The following NREP variants were observed in gnomAD, a reference collection of about 807,000 sequenced individuals.
NREP encodes the protein neuronal regeneration-related protein.
Under a neutral mutation model 8.6 loss-of-function variants are expected in NREP, and 5 were observed. That is an observed-to-expected ratio of 0.58 (90% confidence interval 0.30 to 1.22). The LOEUF is 1.22. Ranked by LOEUF, NREP falls within the 50% of genes most tolerant of loss-of-function variation. The pLI, the probability that NREP is intolerant of heterozygous loss-of-function variation, is 0.07. For missense variants in NREP, 86 were observed against 82.5 expected (o/e 1.04, Z -0.17); for synonymous variants, 27 against 28.0 (o/e 0.96, Z 0.11).
At chr5:111,900,621 T>C (rs190193340) in intron 2 of NREP, among the ~76,000 whole-genome samples, 1 of 152,176 alleles carries the variant, frequency 6.6e-6, no homozygotes, top group East Asian at 1.9e-4. Context: ...CACCAGGGAC[T>C]ATCATGAACA....
chr5:111,952,989 G>C (rs1240751949), intron 2 of NREP, among the ~76,000 whole-genome samples: 3 of 152,008 alleles, frequency 2.0e-5, no homozygotes, highest in Admixed American at 6.6e-5. Flanking sequence ...ATGAGTCCCT[G>C]CCTCATGTCC....
chr5:111,849,706 TAAG>T (rs775925772), intron 2 of NREP, among the ~76,000 whole-genome samples: 6 of 152,044 alleles, frequency 3.9e-5, no homozygotes, highest in Non-Finnish European at 8.8e-5. Flanking sequence ...TTATATATAG[TAAG>T]AAGTTGAAAT....
chr5:111,844,648 AATATATATATTATATATATT>A lies in NREP; in HGVS notation c.136-109161_136-109142del, dbSNP rs1038767778. ...AGTTGATATACATTATATATCAACT[AATATATATATTATATATATT>A]ATATATATATTATATATATATAATA... On this transcript the variant is annotated intron_variant, in intron 2 of 3. Transcript: ENST00000395634. 5.1e-3 allele frequency among the ~76,000 whole-genome samples: 750 copies of A among 147,438 alleles called. 4 individuals are homozygous for A. Among genetic ancestry groups the A allele is most frequent in the Middle Eastern group, 7.2e-3 (2 of 278 alleles).
At chr5:111,907,163 G>GT (rs928253655) in intron 2 of NREP, among the ~76,000 whole-genome samples, 57 of 151,580 alleles carry the variant, frequency 3.8e-4, no homozygotes, top group African/African-American at 9.2e-4. Flanking sequence ...CCTTAACAGT[G>GT]TTTTTTTTGC....
At chr5:111,918,003 G>C (rs923037142) in intron 2 of NREP, among the ~76,000 whole-genome samples, 2 of 152,004 alleles carry the variant, frequency 1.3e-5, no homozygotes, top group African/African-American at 4.8e-5. Flanking sequence ...AAACAACTTA[G>C]GCAAAGTCTC....
At chr5:111,781,630 T>A (rs1433676171) in intron 2 of NREP, among the ~76,000 whole-genome samples, 1 of 152,170 alleles carries the variant, frequency 6.6e-6, no homozygotes, top group Non-Finnish European at 1.5e-5. Flanking sequence ...TTATGCTACA[T>A]TAAATAAATA....
chr5:111,903,705 G>T (rs1165232899), intron 2 of NREP, among the ~76,000 whole-genome samples: 1 of 151,964 alleles, frequency 6.6e-6, no homozygotes, highest in African/African-American at 2.4e-5. Flanking sequence ...AAAACAAGGG[G>T]CAACATTTTA....
chr5:111,870,626 C>T (rs1315744930), intron 2 of NREP, among the ~76,000 whole-genome samples: 2 of 152,118 alleles, frequency 1.3e-5, no homozygotes, highest in East Asian at 3.9e-4. Context: ...ATGTTGATGT[C>T]CTAACCTCCA....
chr5:111,819,936 A>C (rs1396273632), intron 2 of NREP, among the ~76,000 whole-genome samples: 1 of 152,216 alleles, frequency 6.6e-6, no homozygotes, highest in Non-Finnish European at 1.5e-5. Context: ...GAAGAATGTA[A>C]ATAAGCCTCA....
At chr5:111,894,468 G>A in intron 2 of NREP, among the ~76,000 whole-genome samples, 1 of 150,676 alleles carries the variant, frequency 6.6e-6, no homozygotes, top group East Asian at 1.9e-4. Flanking sequence ...TTTTCAGTTA[G>A]AGGTCCTACT....
chr5:111,919,982 C>G lies in NREP; in HGVS notation c.135+55292G>C, dbSNP rs200267472. The stretch of plus-strand genomic sequence containing the variant: ...AATTAATAAAAAGAATACCCCCCCC[C>G]CCCACACACACAAAGAAGTCATATG... On this transcript the variant is annotated intron_variant, in intron 2 of 3. Transcript: ENST00000395634. Among the ~76,000 whole-genome samples the G allele has an allele frequency of 1.1e-3, 160 of 142,642 alleles. 6 individuals carry two copies. Among genetic ancestry groups the G allele is most frequent in the African/African-American group, 3.9e-3 (149 of 38,158 alleles). The allele number at this position is 142,642 out of a possible 152,430, so 93.6% of individuals were successfully genotyped here. A position where few individuals can be genotyped will look rare whatever the true frequency, so the allele number is the denominator to read the frequency against.
rs191890069 is a variant in NREP at position 111,781,456 on chromosome 5, C to T, written c.136-45949G>A. On this transcript the variant is annotated intron_variant, in intron 2 of 3. Coordinates refer to the NREP transcript ENST00000395634. ...ATGTGGGCAAGCAAAAGCCTTCTGA[C>T]GATTCTAGTTCCCAGTCTTGGAGTT... 1.7e-3 allele frequency among the ~76,000 whole-genome samples: 266 copies of T among 152,254 alleles called. 3 individuals are homozygous for T. The highest frequency in any genetic ancestry group is 6.1e-3 in the African/African-American group (255 of 41,554).
At chr5:111,807,211 A>G (rs1752163447) in intron 2 of NREP, among the ~76,000 whole-genome samples, 1 of 152,110 alleles carries the variant, frequency 6.6e-6, no homozygotes, top group African/African-American at 2.4e-5. Flanking sequence ...TTGTTGACTC[A>G]TTGTTAAACT....
upstream of NREP, chr5:111,758,118 T>A: frequency 1.0e-6 from 1 of 985,464 alleles, no homozygotes. Flanking sequence ...GGTCGGACCC[T>A]GCCCCTCAGC....
At chr5:111,897,066 G>C (rs1441376293) in intron 2 of NREP, among the ~76,000 whole-genome samples, 1 of 152,026 alleles carries the variant, frequency 6.6e-6, no homozygotes, top group African/African-American at 2.4e-5. Context: ...GGCTTTAACA[G>C]ACACCAGCAT....
intron 3 of NREP, among the ~76,000 whole-genome samples, chr5:111,731,568 C>A (rs72798058): frequency 6.6e-5 from 10 of 151,962 alleles, no homozygotes; most frequent in Non-Finnish European, 1.5e-4. Context: ...TATGTGCAAT[C>A]GGCGCATGAC....
At chr5:111,850,483 A>G (rs950489310) in intron 2 of NREP, among the ~76,000 whole-genome samples, 14 of 152,040 alleles carry the variant, frequency 9.2e-5, no homozygotes, top group Non-Finnish European at 2.1e-4. Context: ...CTCCTCACCC[A>G]CATGATTCCA....
At chr5:111,800,401 C>A (rs1376705792) in intron 2 of NREP, among the ~76,000 whole-genome samples, 1 of 152,194 alleles carries the variant, frequency 6.6e-6, no homozygotes, top group East Asian at 1.9e-4. Flanking sequence ...CATGGGCATG[C>A]CACTTGTGCC....
intron 2 of NREP, among the ~76,000 whole-genome samples, chr5:111,916,672 C>G (rs1466016791): frequency 6.6e-6 from 1 of 152,154 alleles, no homozygotes; most frequent in Non-Finnish European, 1.5e-5. Context: ...CTTTCTCTCT[C>G]TGTACTTCAG....
Sources: allele counts gnomAD v4.1 joint callset (sites outside exome capture counted in the v4.1 genomes callset), GRCh38; gene constraint gnomAD v4.1.1; transcripts MANE v1.5; gene names NCBI Gene and HGNC (gene_info 2026-07-23, HGNC 2026-07-21).